The following EBF1 variants were observed in gnomAD, a reference collection of about 807,000 sequenced individuals.
The protein encoded by EBF1 is transcription factor COE1.
In EBF1, 10 loss-of-function variants were observed where a neutral mutation model predicts 68.4. That is an observed-to-expected ratio of 0.15 (90% confidence interval 0.09 to 0.25). The LOEUF (loss-of-function observed/expected upper bound fraction) is 0.25, where lower values mean the gene tolerates loss of function less well. Ranked by LOEUF, EBF1 falls within the 10% of genes least tolerant of loss-of-function variation. The pLI, the probability that EBF1 is intolerant of heterozygous loss-of-function variation, is 1.00. For missense variants in EBF1, 509 were observed against 794.4 expected (o/e 0.64, Z 4.32); for synonymous variants, 298 against 299.8 (o/e 0.99, Z 0.06).
chr5:158,841,582 A>T (rs936212556), intron 6 of EBF1, among the ~76,000 whole-genome samples: 4 of 152,202 alleles, frequency 2.6e-5, no homozygotes, highest in Non-Finnish European at 5.9e-5. Flanking sequence ...TCTCAACACA[A>T]ATAGATTATG....
intron 10 of EBF1, among the ~76,000 whole-genome samples, chr5:158,754,580 A>C (rs913382369): frequency 5.9e-5 from 9 of 152,172 alleles, no homozygotes; most frequent in Non-Finnish European, 1.2e-4. Flanking sequence ...AGTATTCTTC[A>C]TTCATTCATT....
At chr5:158,961,950 A>T (rs1818255715) in intron 6 of EBF1, among the ~76,000 whole-genome samples, 1 of 152,280 alleles carries the variant, frequency 6.6e-6, no homozygotes, top group African/African-American at 2.4e-5. Context: ...TTTTGTATAA[A>T]CCTGAGTGGT....
At chr5:158,721,374 T>C (rs578082350) in intron 11 of EBF1, among the ~76,000 whole-genome samples, 1 of 152,228 alleles carries the variant, frequency 6.6e-6, no homozygotes, top group Admixed American at 6.5e-5. Flanking sequence ...TGATTGACTT[T>C]TACAATGGAA....
At chr5:158,814,271 A>C (rs1783265454) in intron 8 of EBF1, among the ~76,000 whole-genome samples, 1 of 152,174 alleles carries the variant, frequency 6.6e-6, no homozygotes, top group African/African-American at 2.4e-5. Flanking sequence ...TGAGTGCAGG[A>C]GTTTGAGGCT....
intron 15 of EBF1, among the ~76,000 whole-genome samples, chr5:158,699,962 T>A (rs1756371111): frequency 6.6e-6 from 1 of 152,232 alleles, no homozygotes; most frequent in Non-Finnish European, 1.5e-5. Flanking sequence ...CAGATAGGCC[T>A]GAGTCCCACC....
intron 8 of EBF1, among the ~76,000 whole-genome samples, chr5:158,813,129 T>C (rs77560201): frequency 0.058 from 8,805 of 152,262 alleles, 349 homozygotes; most frequent in Non-Finnish European, 0.078. Flanking sequence ...TACACTATTA[T>C]TTACTTAATA....
chr5:158,986,802 T>G (rs1031493341), intron 6 of EBF1: 2 of 152,206 alleles, frequency 1.3e-5, no homozygotes, highest in Non-Finnish European at 2.9e-5. Context: ...GTTTAGAAAT[T>G]TAATCACTCA....
In EBF1 at chr5:158,945,132, A is replaced by G. The variant is rs1814368470; in HGVS notation, c.555-105022T>C. Among the ~76,000 whole-genome samples the G allele has an allele frequency of 2.6e-5, 4 of 152,198 alleles. No homozygotes were observed. In the South Asian group the frequency reaches 8.3e-4, roughly 31 times the overall value. On this transcript the variant is annotated intron_variant, in intron 6 of 15. Transcript: ENST00000313708. ...TGCAATTGCCTTTAGTATTTTAGTC[A>G]TGAAGTCTTTGCCCATGCCTATGTC...
intron 8 of EBF1, among the ~76,000 whole-genome samples, chr5:158,810,679 CAT>C (rs1193420504): frequency 6.6e-6 from 1 of 152,120 alleles, no homozygotes; most frequent in South Asian, 2.1e-4. Flanking sequence ...CATATGTTCG[CAT>C]ATAAAATATT....
chr5:158,819,722 G>C (rs1784450988), intron 8 of EBF1, among the ~76,000 whole-genome samples: 1 of 152,208 alleles, frequency 6.6e-6, no homozygotes, highest in African/African-American at 2.4e-5. Context: ...TACATTTTGA[G>C]GCTGCCTGTC....
At chr5:158,794,221 G>C (rs1779210730) in intron 9 of EBF1, among the ~76,000 whole-genome samples, 1 of 152,180 alleles carries the variant, frequency 6.6e-6, no homozygotes, top group Non-Finnish European at 1.5e-5. Flanking sequence ...CTGGGACAGA[G>C]TGAAGAGGGG....
At chr5:158,915,184 C>G (rs1387170190) in intron 6 of EBF1, among the ~76,000 whole-genome samples, 1 of 152,144 alleles carries the variant, frequency 6.6e-6, no homozygotes, top group Non-Finnish European at 1.5e-5. Flanking sequence ...AAAGTGAACT[C>G]TGGGGGCCTC....
chr5:158,911,532 C>T (rs894968676), intron 6 of EBF1, among the ~76,000 whole-genome samples: 1 of 152,144 alleles, frequency 6.6e-6, no homozygotes, highest in African/African-American at 2.4e-5. Context: ...AATGAAGACC[C>T]ATTTTTCTTT....
intron 9 of EBF1, among the ~76,000 whole-genome samples, chr5:158,790,974 C>T (rs576079662): frequency 1.1e-4 from 16 of 152,266 alleles, no homozygotes; most frequent in African/African-American, 2.9e-4. Flanking sequence ...TTTCCACCTG[C>T]CACCACTGTC....
chr5:158,872,932 T>G (rs1797130146), intron 6 of EBF1, among the ~76,000 whole-genome samples: 1 of 150,934 alleles, frequency 6.6e-6, no homozygotes, highest in Non-Finnish European at 1.5e-5. Context: ...CAAAACAAGC[T>G]AATATTTTGG....
intron 5 of EBF1, among the ~76,000 whole-genome samples, chr5:159,082,180 G>A (rs1303449438): frequency 1.3e-5 from 2 of 151,590 alleles, no homozygotes; most frequent in Admixed American, 6.6e-5. Flanking sequence ...ATCATACCAA[G>A]CCTTGTCTTG....
At chr5:158,782,938 G>A (rs1776704831) in intron 9 of EBF1, among the ~76,000 whole-genome samples, 1 of 151,740 alleles carries the variant, frequency 6.6e-6, no homozygotes, top group Admixed American at 6.6e-5. Context: ...ATGAGCTTGA[G>A]ACCACTGCTT....
intron 9 of EBF1, among the ~76,000 whole-genome samples, chr5:158,784,525 C>T (rs1373500000): frequency 6.6e-6 from 1 of 152,094 alleles, no homozygotes; most frequent in African/African-American, 2.4e-5. Context: ...CCAAGATAAG[C>T]CTTTATCCAT....
intron 10 of EBF1, among the ~76,000 whole-genome samples, chr5:158,763,885 C>T (rs1339652880): frequency 6.6e-6 from 1 of 152,156 alleles, no homozygotes; most frequent in East Asian, 1.9e-4. Context: ...TGAGCCTCAG[C>T]TGCCTCCTCT....
Sources: allele counts gnomAD v4.1 joint callset (sites outside exome capture counted in the v4.1 genomes callset), GRCh38; gene constraint gnomAD v4.1.1; transcripts MANE v1.5; gene names NCBI Gene and HGNC (gene_info 2026-07-23, HGNC 2026-07-21).